INPP5A: variants seen among roughly 807,000 people sequenced by gnomAD.
INPP5A encodes inositol polyphosphate-5-phosphatase A, also known as 43 kDa inositol polyphosphate 5-phophatase.
Under a neutral mutation model 65.2 loss-of-function variants are expected in INPP5A, and 14 were observed. The ratio of observed to expected loss-of-function variants is 0.21; its 90% confidence interval spans 0.14 to 0.34. The LOEUF is 0.34. Among genes scored for constraint, INPP5A ranks in the 10% least tolerant of loss-of-function variants. INPP5A has a pLI of 1.00. For missense variants in INPP5A, 431 were observed against 545.6 expected (o/e 0.79, Z 2.09); for synonymous variants, 207 against 208.3 (o/e 0.99, Z 0.05).
chr10:132,571,567 G>A (rs2071342004), intron 1 of INPP5A, among the ~76,000 whole-genome samples: 1 of 152,226 alleles, frequency 6.6e-6, no homozygotes, highest in South Asian at 2.1e-4. Flanking sequence ...AAAAAGTGCA[G>A]CTGATATTTA....
At chr10:132,605,151 C>T (rs1353868249) in intron 1 of INPP5A, among the ~76,000 whole-genome samples, 46 of 141,106 alleles carry the variant, frequency 3.3e-4, no homozygotes, top group Non-Finnish European at 4.3e-4. Context: ...AGTGGATCCC[C>T]CAGGAGGGAG....
intron 2 of INPP5A, among the ~76,000 whole-genome samples, chr10:132,608,967 C>T (rs573581901): frequency 6.6e-6 from 1 of 152,230 alleles, no homozygotes; most frequent in Admixed American, 6.5e-5. Flanking sequence ...TCTGTGCCCT[C>T]GGGCCTGTGT....
At chr10:132,592,469 G>C (rs925247045) in intron 1 of INPP5A, among the ~76,000 whole-genome samples, 48 of 152,224 alleles carry the variant, frequency 3.2e-4, no homozygotes, top group African/African-American at 1.1e-3. Flanking sequence ...AGGCTGGAGT[G>C]CAGTGGCACG....
intron 1 of INPP5A, among the ~76,000 whole-genome samples, chr10:132,588,012 C>CAAAAAAAA (rs796469034): frequency 4.5e-4 from 25 of 55,890 alleles, no homozygotes; most frequent in African/African-American, 1.1e-3. Context: ...AACTCCATCT[C>CAAAAAAAA]AAAAAAAAAA....
intron 11 of INPP5A, among the ~76,000 whole-genome samples, chr10:132,751,539 A>G (rs1055839336): frequency 6.6e-6 from 1 of 151,900 alleles, no homozygotes; most frequent in Non-Finnish European, 1.5e-5. Context: ...GCTACAGGAC[A>G]CTCCCGGGTG....
intron 1 of INPP5A, among the ~76,000 whole-genome samples, chr10:132,599,131 T>C (rs2133327619): frequency 6.6e-6 from 1 of 152,128 alleles, no homozygotes; most frequent in African/African-American, 2.4e-5. Context: ...TTCCCAACAG[T>C]CTCCCAAAGT....
rs2148668 is a variant in INPP5A at position 132,707,993 on chromosome 10, G to A, written c.475-320G>A. 0.026 allele frequency among the ~76,000 whole-genome samples: 3,963 copies of A among 152,300 alleles called. 179 individuals carry two copies. Among genetic ancestry groups the A allele is most frequent in the African/African-American group, 0.091 (3,765 of 41,550 alleles). On this transcript the variant is annotated intron_variant, in intron 6 of 15. Transcript: ENST00000368594. The surrounding 1 kb of genome is among the most constrained non-coding windows in gnomAD (Gnocchi z 5.5). The stretch of plus-strand genomic sequence containing the variant: ...GTCTCGAGCTCCCTGATCAGCATCT[G>A]TGGTGACAGTGGTTTCCCTGCAGCT...
At chr10:132,610,713 G>C (rs1041658875) in intron 2 of INPP5A, among the ~76,000 whole-genome samples, 1 of 152,240 alleles carries the variant, frequency 6.6e-6, no homozygotes, top group African/African-American at 2.4e-5. Context: ...GGCACCCACA[G>C]GCTGGGCCGT....
intron 2 of INPP5A, among the ~76,000 whole-genome samples, chr10:132,613,251 A>ACAGGACCCCCTCCTTCCCGAGTCCCCCCG (rs1455977425): frequency 4.0e-5 from 6 of 151,802 alleles, no homozygotes; most frequent in African/African-American, 1.2e-4. Flanking sequence ...GCCACGGCCC[A>ACAGGACCCCCTCCTTCCCGAGTCCCCCCG]CAGGACCCCC....
intron 12 of INPP5A, among the ~76,000 whole-genome samples, chr10:132,776,586 G>T (rs1433545460): frequency 6.6e-6 from 1 of 152,220 alleles, no homozygotes; most frequent in Admixed American, 6.5e-5. Context: ...TCTGGTGAAG[G>T]CCCCAGAGAT....
At position 132,678,279 on chromosome 10, in the gene INPP5A, G is replaced by C. The variant is rs1277433277; in HGVS notation, c.307-12113G>C. Among the ~76,000 whole-genome samples the C allele has an allele frequency of 6.6e-6, 1 of 152,200 alleles. No individual in the cohort carries two copies. The highest frequency in any genetic ancestry group is 1.5e-5 in the Non-Finnish European group (1 of 68,034). On this transcript the variant is annotated intron_variant, in intron 4 of 15. Coordinates refer to ENST00000368594, the MANE Select transcript of INPP5A (RefSeq NM_005539.5). This position sits in a 1 kb window ranked among gnomAD's most constrained non-coding sequence, Gnocchi z 4.1. ...GTCCAGTTGGGTCAGCCGCCCATGA[G>C]TTCATTATACAGGAAAAGATCAATG...
At chr10:132,774,893 G>A (rs1303354295) in intron 12 of INPP5A, among the ~76,000 whole-genome samples, 1 of 48,454 alleles carries the variant, frequency 2.1e-5, no homozygotes, top group East Asian at 5.8e-4. Context: ...GCAGGGAGGA[G>A]GGGCAGGGAG....
intron 9 of INPP5A, among the ~76,000 whole-genome samples, chr10:132,732,047 A>G (rs1178747406): frequency 6.6e-6 from 1 of 152,218 alleles, no homozygotes; most frequent in Non-Finnish European, 1.5e-5. Context: ...GATTCCTGGG[A>G]GCAGGGAGGC....
chr10:132,572,792 C>T (rs1467832660), intron 1 of INPP5A, among the ~76,000 whole-genome samples: 4 of 152,154 alleles, frequency 2.6e-5, no homozygotes, highest in African/African-American at 7.2e-5. Context: ...CTCTGCTGGG[C>T]GTCTGTCTGC....
At chr10:132,737,320 T>C (rs1406896124) in intron 9 of INPP5A, among the ~76,000 whole-genome samples, 2 of 152,206 alleles carry the variant, frequency 1.3e-5, no homozygotes, top group African/African-American at 4.8e-5. Context: ...CTGTAGAGCC[T>C]CAGCACCGTC....
intron 9 of INPP5A, 90 bp downstream of exon 9, chr10:132,726,995 T>G: frequency 1.0e-5 from 8 of 799,152 alleles, no homozygotes; most frequent in Non-Finnish European, 1.6e-5. Context: ...TACTGGCACT[T>G]TCAATGCCAT....
intron 4 of INPP5A, among the ~76,000 whole-genome samples, chr10:132,682,113 G>A (rs1157925764): frequency 6.6e-6 from 1 of 152,134 alleles, no homozygotes; most frequent in African/African-American, 2.4e-5. Flanking sequence ...AGCTGGGAAG[G>A]TGGACAGCGT....
chr10:132,588,537 A>G (rs1462969227), intron 1 of INPP5A, among the ~76,000 whole-genome samples: 3 of 152,254 alleles, frequency 2.0e-5, no homozygotes, highest in Non-Finnish European at 4.4e-5. Context: ...TTCCACAGGG[A>G]TAAGCGAGTC....
intron 4 of INPP5A, among the ~76,000 whole-genome samples, chr10:132,658,055 A>G (rs920481805): frequency 3.9e-5 from 6 of 152,268 alleles, no homozygotes; most frequent in African/African-American, 7.2e-5. Flanking sequence ...TAGCACTAAA[A>G]TATGAGCCAC....
Sources: gnomAD v4.1 joint callset for allele counts (sites outside exome capture counted in the v4.1 genomes callset) on GRCh38, gnomAD v4.1.1 for gene constraint, Gnocchi (gnomAD v3.1) non-coding constraint, MANE v1.5 for transcripts, NCBI Gene and HGNC (gene_info 2026-07-23, HGNC 2026-07-21) for gene names.